Variants in ZNF266 observed in about 807,000 individuals in gnomAD.
The protein encoded by ZNF266 is zinc finger protein 266.
A neutral mutation model predicts 16.4 loss-of-function variants in ZNF266; 16 were observed. The ratio of observed to expected loss-of-function variants is 0.98; its 90% CI spans 0.66 to 1.48. The LOEUF (loss-of-function observed/expected upper bound fraction) is 1.48, where lower values mean the gene tolerates loss of function less well. ZNF266 is among the 40% of genes most tolerant of loss of function. The pLI, the probability that ZNF266 is intolerant of heterozygous loss-of-function variation, is 0.00. For synonymous variants in ZNF266, 262 were observed against 237.9 expected, an observed-to-expected ratio of 1.10 and a Z score of -0.93; for missense variants, 738 against 689.1, an observed-to-expected ratio of 1.07 and a Z score of -0.79.
At position 9,413,994 on chromosome 19, in the gene ZNF266, G is replaced by A. The variant is rs1349693456; in HGVS notation, c.1132C>T (p.Leu378Phe). The change falls in exon 11 of 11, where the codon CTT (leucine) becomes TTT (phenylalanine). Residue 378 changes from leucine (L) to phenylalanine (F), a missense_variant. By Grantham distance (22) the Leu-to-Phe change is conservative. Transcript: ENST00000592904. The part of the protein sequence containing the change: ...CGIAFTRSSQ[L>F]TEHLKTHTAK... ...GTGTGAGTTTTTAAATGTTCAGTAA[G>A]TTGAGAAGATCTAGTGAAGGCTATC... 1 of 1,614,192 alleles carries A rather than the reference G, an allele frequency of 6.2e-7. No individual in the cohort carries two copies. Among genetic ancestry groups the A allele is most frequent in the Admixed American group, 1.7e-5 (1 of 60,028 alleles).
In ZNF266 at chr19:9,413,336, C is replaced by T. The variant is rs376279306; in HGVS notation, c.1790G>A (p.Ser597Asn). 5 of 1,611,582 alleles carry T rather than the reference C, an allele frequency of 3.1e-6. No individual in the cohort carries two copies. The highest frequency in any genetic ancestry group is 4.2e-6 in the Non-Finnish European group (5 of 1,178,638). ...ATGATTTCGAAAGGAACTGGAAGAA[C>T]TGAAGGCTTTCCCGCACTCCTTACA... ...YECKECGKAF[S>N]SSSSFRNHER... The change falls in exon 11 of 11, where the codon AGT (serine) becomes AAT (asparagine). Residue 597 changes from serine (S) to asparagine (N), a missense_variant. By Grantham distance (46) the Ser-to-Asn change is conservative. Transcript: ENST00000592904.
At position 9,418,643 on chromosome 19, in the gene ZNF266, C is replaced by T. The variant is rs2069415521; in HGVS notation, c.109-12G>A. ...AAAGTCACTGAATCCTAAACCATCA[C>T]ACACATGCTGGCTTGAGCCACAAAA... On this transcript the variant is annotated splice_polypyrimidine_tract_variant and intron_variant, in intron 7 of 10. Transcript: ENST00000592904. The T allele has an allele frequency of 2.4e-6, 3 of 1,266,798 alleles. No homozygotes were observed. The highest frequency in any genetic ancestry group is 1.2e-5 in the South Asian group (1 of 83,638). The allele number at this position is 1,266,798 out of a possible 1,614,324, so 78.5% of individuals were successfully genotyped here. A position where few individuals can be genotyped will look rare whatever the true frequency, so the allele number is the denominator to read the frequency against.
intron 5 of ZNF266, among the ~76,000 whole-genome samples, chr19:9,424,235 AAAAAAAG>A (rs2070383468): frequency 1.0e-5 from 1 of 98,436 alleles, no homozygotes; most frequent in Non-Finnish European, 2.3e-5. Flanking sequence ...AAAAAAAAAA[AAAAAAAG>A]AAAAAAGTTA....
At position 9,417,870 on chromosome 19, in the gene ZNF266, C is replaced by G; in HGVS notation, c.274G>C (p.Glu92Gln). The G allele has an allele frequency of 6.2e-7, 1 of 1,614,078 alleles. No individual in the cohort carries two copies. Reference sequence around the variant, plus strand: ...TGCACTGTCCTAGACTCTTCTTGTTCCAGCCAAGAGATCAGACTGGGTTTG... The same window carrying G: ...TGCACTGTCCTAGACTCTTCTTGTTGCAGCCAAGAGATCAGACTGGGTTTG... ...LFKPSLISWL[E>Q]QEESRTVQRG... Residue 92 changes from glutamate to glutamine, a missense_variant, in exon 9 of 11, where the codon GAA becomes CAA. By Grantham distance (29) the Glu-to-Gln change is conservative. Transcript: ENST00000592904.
chr19:9,417,777 T>G (rs933222819), intron 9 of ZNF266, 51 bp downstream of exon 9: 1 of 1,524,150 alleles, frequency 6.6e-7, no homozygotes, highest in Non-Finnish European at 9.1e-7. Context: ...CTCATTATAC[T>G]TATAAACATA....
intron 5 of ZNF266, among the ~76,000 whole-genome samples, chr19:9,425,900 G>T (rs1488841839): frequency 2.0e-5 from 3 of 152,170 alleles, no homozygotes; most frequent in African/African-American, 7.2e-5. Flanking sequence ...GCTTGCTACT[G>T]AGAGGCAGAA....
intron 2 of ZNF266, 113 bp downstream of exon 2, chr19:9,434,995 T>C (rs1406936119): frequency 6.6e-6 from 1 of 152,222 alleles, no homozygotes; most frequent in East Asian, 1.9e-4. Flanking sequence ...TTTATGTTTC[T>C]ACCTGAATGT....
chr19:9,414,273 CA>C lies in ZNF266; in HGVS notation c.852del (p.Cys284TrpfsTer67), dbSNP rs752159116. ...RSEKPYKCKE[C>X]GKGFRYSAYL... ...TATGCAGAATATCTAAATCCTTTTC[CA>C]CATTCCTTACATTTGTAGGGTTTTT... On this transcript the variant is annotated frameshift_variant, in exon 11 of 11. Transcript: ENST00000592904. LOFTEE classifies it low-confidence loss of function (END_TRUNC). The C allele has an allele frequency of 2.5e-6, 4 of 1,614,158 alleles. No homozygotes were observed. The South Asian group carries it at 4.4e-5, about 18-fold the overall frequency.
In ZNF266 at chr19:9,413,781, A is replaced by G; in HGVS notation, c.1345T>C (p.Cys449Arg). ...RTHSGERPYE[C>R]KECGKAFARS... ...GCAAAGGCCTTTCCACATTCCTTAC[A>G]TTCATAGGGCCTCTCTCCACTGTGA... The change falls in exon 11 of 11, where the codon TGT becomes CGT. Residue 449 changes from cysteine (C) to arginine (R), a missense_variant. Transcript: ENST00000592904. The G allele has an allele frequency of 6.2e-7, 1 of 1,614,136 alleles. No homozygotes were observed. Among genetic ancestry groups the G allele is most frequent in the Non-Finnish European group, 8.5e-7 (1 of 1,180,032 alleles).
chr19:9,428,392 G>A (rs1215635924), intron 5 of ZNF266, among the ~76,000 whole-genome samples: 3 of 152,210 alleles, frequency 2.0e-5, no homozygotes, highest in African/African-American at 7.2e-5. Flanking sequence ...GCGTGCTGAA[G>A]GTGGTCACTC....
chr19:9,414,727 A>G lies in ZNF266; in HGVS notation c.406-7T>C. ...CTCCGTTGTGGCTTCCTATCTGTTG[A>G]TAAAGGAATGAATGATGATTAAAGG... On this transcript the variant is annotated splice_polypyrimidine_tract_variant and splice_region_variant and intron_variant, in intron 10 of 10. Coordinates refer to ENST00000592904, the MANE Select transcript of ZNF266 (RefSeq NM_001370374.1). The G allele has an allele frequency of 6.5e-7, 1 of 1,546,988 alleles. No homozygotes were observed.
At chr19:9,415,596 A>C in intron 10 of ZNF266, 58 bp downstream of exon 10, 1 of 1,412,554 alleles carries the variant, frequency 7.1e-7, no homozygotes. Context: ...ATTTTCTATA[A>C]TGGAATCCCC....
rs552315823 is a variant in ZNF266 at position 9,423,881 on chromosome 19, T to C, written c.-129-3663A>G. 5.3e-4 allele frequency among the ~76,000 whole-genome samples: 80 copies of C among 152,166 alleles called. 1 individual carries two copies. Among genetic ancestry groups the C allele is most frequent in the Admixed American group, 4.8e-3 (74 of 15,286 alleles). ...GCGTGGTGACACATGCCTGTAATCC[T>C]AGCTACTTGGAAAGCTGAGGCAGGA... On this transcript the variant is annotated intron_variant, in intron 5 of 10. Transcript: ENST00000592904.
chr19:9,428,073 G>A lies in ZNF266; in HGVS notation c.-130+5595C>T, dbSNP rs79757391. 5.6e-3 allele frequency among the ~76,000 whole-genome samples: 851 copies of A among 152,172 alleles called. 7 individuals are homozygous for A. The highest frequency in any genetic ancestry group is 0.018 in the African/African-American group (758 of 41,500). Reference sequence around the variant, plus strand: ...CTGCTGGAGTCTCTAGACCACTTACGATGGTCATTAGCTGCCCCAGGCCGT... The same window carrying A: ...CTGCTGGAGTCTCTAGACCACTTACAATGGTCATTAGCTGCCCCAGGCCGT... On this transcript the variant is annotated intron_variant, in intron 5 of 10. Transcript: ENST00000592904.
chr19:9,430,978 T>G (rs1004230621), intron 5 of ZNF266, among the ~76,000 whole-genome samples: 1 of 152,198 alleles, frequency 6.6e-6, no homozygotes, highest in Admixed American at 6.6e-5. Flanking sequence ...AATAAAATGC[T>G]TCTGCTACTT....
At chr19:9,419,693 AGTTCGAGACCATCCTGGCCAACATGGT>A (rs1319622007) in intron 6 of ZNF266, 2 of 152,262 alleles carry the variant, frequency 1.3e-5, no homozygotes, top group East Asian at 3.9e-4. Context: ...TGAGGTTAGG[AGTTCGAGACCATCCTGGCCAACATGGT>A]GAAACTCCAT....
chr19:9,416,513 A>C (rs1368381406), intron 9 of ZNF266, among the ~76,000 whole-genome samples: 1 of 142,306 alleles, frequency 7.0e-6, no homozygotes, highest in Non-Finnish European at 1.5e-5. Flanking sequence ...ACAGGCACCT[A>C]CCACCAAGCC....
intron 2 of ZNF266, 94 bp downstream of exon 2, chr19:9,435,014 A>T (rs1222943150): frequency 6.6e-6 from 1 of 152,250 alleles, no homozygotes; most frequent in Non-Finnish European, 1.5e-5. Context: ...GTAGAGTGTC[A>T]AAAGTAAATA....
chr19:9,431,393 G>A (rs539579699), intron 5 of ZNF266, among the ~76,000 whole-genome samples: 1 of 149,902 alleles, frequency 6.7e-6, no homozygotes, highest in Non-Finnish European at 1.5e-5. Context: ...TTGATGGCTT[G>A]TGTCCCTCAT....
Sources: gnomAD v4.1 joint callset for allele counts (sites outside exome capture counted in the v4.1 genomes callset) on GRCh38, gnomAD v4.1.1 for gene constraint, MANE v1.5 for transcripts, NCBI Gene and HGNC (gene_info 2026-07-23, HGNC 2026-07-21) for gene names.